Variants in GSN observed in about 807,000 individuals in gnomAD.
GSN encodes actin-depolymerizing factor.
GSN carries 56 observed loss-of-function variants against 85.7 expected under a neutral mutation model. The observed-to-expected ratio is 0.65, with a 90% CI of 0.53 to 0.82. The LOEUF is 0.82. Among genes scored for constraint, GSN ranks in the 40% least tolerant of loss-of-function variants. The pLI is 0.00. For synonymous variants in GSN, 373 were observed against 399.1 expected, an observed-to-expected ratio of 0.93 and a Z score of 0.78; for missense variants, 857 against 979.8, an observed-to-expected ratio of 0.87 and a Z score of 1.67.
At chr9:121,206,936 G>T (rs2053890452), upstream of GSN, among the ~76,000 whole-genome samples, 1 of 152,014 alleles carries the variant, frequency 6.6e-6, no homozygotes, top group Non-Finnish European at 1.5e-5. Flanking sequence ...ACACTCAGTG[G>T]GGCATAATGA....
At chr9:121,229,056 C>G (rs1431295256) in intron 4 of GSN, among the ~76,000 whole-genome samples, 1 of 152,080 alleles carries the variant, frequency 6.6e-6, no homozygotes, top group Non-Finnish European at 1.5e-5. Flanking sequence ...AAGAGCAGAC[C>G]ATGTTTGCAT....
intron 6 of GSN, among the ~76,000 whole-genome samples, chr9:121,254,192 G>T (rs1417405632): frequency 6.6e-6 from 1 of 152,166 alleles, no homozygotes; most frequent in Non-Finnish European, 1.5e-5. Flanking sequence ...GCATAATACA[G>T]TTGGGGCAAA....
intron 1 of GSN, among the ~76,000 whole-genome samples, chr9:121,208,363 A>C (rs2053917731): frequency 6.6e-6 from 1 of 152,160 alleles, no homozygotes; most frequent in South Asian, 2.1e-4. Flanking sequence ...GCACTTCTTG[A>C]GTACCTGCTT....
At chr9:121,230,183 T>TAAC (rs2054359565) in intron 4 of GSN, among the ~76,000 whole-genome samples, 2 of 152,198 alleles carry the variant, frequency 1.3e-5, no homozygotes, top group Non-Finnish European at 2.9e-5. Flanking sequence ...TGAACCTTCT[T>TAAC]TGTTTTCTGG....
chr9:121,302,310 G>A lies in GSN; in HGVS notation c.196+143G>A, dbSNP rs554695575. 80 of 946,152 alleles carry A rather than the reference G, an allele frequency of 8.5e-5. No homozygotes were observed. In the Middle Eastern group the frequency reaches 8.7e-4, roughly 10 times the overall value. 58.6% of individuals were successfully genotyped at this position (946,152 alleles called of 1,614,324 possible). ...TGACTGGTGGTTCATGCCCTGAGACGCTAGAGCCAGCCTGGCCAAGTTCAC... is the reference window on the plus strand; with the variant it reads ...TGACTGGTGGTTCATGCCCTGAGACACTAGAGCCAGCCTGGCCAAGTTCAC... On this transcript the variant is annotated intron_variant, in intron 3 of 17. Transcript: ENST00000432226.
intron 4 of GSN, among the ~76,000 whole-genome samples, chr9:121,219,127 G>A (rs2054120819): frequency 6.6e-6 from 1 of 152,154 alleles, no homozygotes; most frequent in Non-Finnish European, 1.5e-5. Context: ...CCTGGTGGGG[G>A]CCAACTCCTC....
upstream of GSN, chr9:121,265,131 C>T (rs144590319): frequency 1.3e-5 from 2 of 152,152 alleles, no homozygotes; most frequent in African/African-American, 2.4e-5. Flanking sequence ...GTATGAAATC[C>T]CTGTCTCATC....
chr9:121,318,693 C>G lies in GSN; in HGVS notation c.1004C>G (p.Thr335Ser), dbSNP rs759427135. The G allele has an allele frequency of 8.1e-6, 13 of 1,613,474 alleles. No individual in the cohort carries two copies. The African/African-American group carries it at 1.6e-4, about 20-fold the overall frequency. The change falls in exon 10 of 18, where the codon ACC becomes AGC. Residue 335 changes from threonine to serine, a missense_variant. Transcript: ENST00000432226. This position sits in a 1 kb window ranked among gnomAD's most constrained non-coding sequence, Gnocchi z 4.3. The part of the protein sequence containing the change: ...QVSVLPEGGE[T>S]PLFKQFFKNW... Reference sequence around the variant, plus strand: ...TCGGTCCTTCCTGAGGGCGGTGAGACCCCACTGTTCAAGCAGTTCTTCAAG... The same window carrying G: ...TCGGTCCTTCCTGAGGGCGGTGAGAGCCCACTGTTCAAGCAGTTCTTCAAG...
intron 2 of GSN, chr9:121,282,164 C>T: frequency 2.1e-6 from 1 of 487,646 alleles, no homozygotes; most frequent in Non-Finnish European, 3.9e-6. Context: ...GGCTGGAAGC[C>T]AGGAGACTGG....
chr9:121,328,746 C>T, intron 14 of GSN, 145 bp from the exon 15 acceptor site: 2 of 895,994 alleles, frequency 2.2e-6, no homozygotes, highest in Non-Finnish European at 3.6e-6. Flanking sequence ...GGCCTCTTCC[C>T]TCTGGATCTC....
chr9:121,273,050 G>A (rs1363366501), intron 1 of GSN, among the ~76,000 whole-genome samples: 1 of 152,154 alleles, frequency 6.6e-6, no homozygotes, highest in East Asian at 1.9e-4. Context: ...TCAGTGCCTG[G>A]GTTAAGGGAT....
intron 4 of GSN, among the ~76,000 whole-genome samples, chr9:121,212,792 C>T (rs1240399622): frequency 6.6e-6 from 1 of 151,902 alleles, no homozygotes; most frequent in Non-Finnish European, 1.5e-5. Context: ...TACAGGTGCG[C>T]ACCACCACGC....
chr9:121,281,669 T>C (rs1295997573), intron 2 of GSN, 107 bp downstream of exon 2: 1 of 471,078 alleles, frequency 2.1e-6, no homozygotes, highest in African/African-American at 2.0e-5. Flanking sequence ...GTAGCCACAG[T>C]GGATTCAGTG....
intron 1 of GSN, among the ~76,000 whole-genome samples, chr9:121,269,288 C>G (rs891475922): frequency 2.0e-5 from 3 of 152,164 alleles, no homozygotes; most frequent in African/African-American, 7.2e-5. Context: ...CCGTTTACAG[C>G]GACCATAGCT....
intron 6 of GSN, among the ~76,000 whole-genome samples, chr9:121,260,563 G>A (rs2055060759): frequency 6.6e-6 from 1 of 152,230 alleles, no homozygotes; most frequent in African/African-American, 2.4e-5. Flanking sequence ...GCTGGGGCTA[G>A]TGCAGCACAA....
intron 7 of GSN, among the ~76,000 whole-genome samples, chr9:121,315,612 A>G (rs1423385491): frequency 6.6e-6 from 1 of 151,936 alleles, no homozygotes; most frequent in Admixed American, 6.6e-5. Flanking sequence ...AAAAATACAA[A>G]ATATTAGCCA....
At chr9:121,267,299 G>A (rs1272314122), upstream of GSN, among the ~76,000 whole-genome samples, 1 of 152,190 alleles carries the variant, frequency 6.6e-6, no homozygotes, top group Non-Finnish European at 1.5e-5. Flanking sequence ...TATTACATTT[G>A]CTTAAAATTG....
At chr9:121,206,040 G>A (rs745953855), upstream of GSN, among the ~76,000 whole-genome samples, 1 of 150,616 alleles carries the variant, frequency 6.6e-6, no homozygotes, top group African/African-American at 2.4e-5. Context: ...AGTTGCCACC[G>A]AGCCACACTC....
chr9:121,311,948 A>G (rs1339688032), intron 5 of GSN: 1 of 235,492 alleles, frequency 4.2e-6, no homozygotes, highest in Non-Finnish European at 8.5e-6. Context: ...ATACGAACGT[A>G]CTTCTGTCAG....
Sources: gnomAD v4.1 joint callset for allele counts (sites outside exome capture counted in the v4.1 genomes callset) on GRCh38, gnomAD v4.1.1 for gene constraint, Gnocchi (gnomAD v3.1) non-coding constraint, MANE v1.5 for transcripts, NCBI Gene and HGNC (gene_info 2026-07-23, HGNC 2026-07-21) for gene names.